TSHZ2: variants seen among roughly 807,000 people sequenced by gnomAD.
The protein encoded by TSHZ2 is teashirt zinc finger homeobox 2.
In TSHZ2, 21 loss-of-function variants were observed where a neutral mutation model predicts 74.4. That is an observed-to-expected ratio of 0.28 (90% CI 0.20 to 0.41). The LOEUF (loss-of-function observed/expected upper bound fraction) is 0.41, where lower values mean the gene tolerates loss of function less well. Among genes scored for constraint, TSHZ2 ranks in the 10% least tolerant of loss-of-function variants. TSHZ2 has a pLI of 1.00. For synonymous variants in TSHZ2, 540 were observed against 515.3 expected (o/e 1.05, Z -0.65); for missense variants, 1,244 against 1,293.5 (o/e 0.96, Z 0.59).
chr20:53,187,777 A>C (rs1353871787), intron 1 of TSHZ2, among the ~76,000 whole-genome samples: 1 of 152,140 alleles, frequency 6.6e-6, no homozygotes, highest in East Asian at 1.9e-4. Context: ...AATTTTATTC[A>C]GATGGAGCAT....
chr20:53,097,243 TC>T (rs1239485109), intron 1 of TSHZ2, among the ~76,000 whole-genome samples: 1 of 152,214 alleles, frequency 6.6e-6, no homozygotes, highest in East Asian at 1.9e-4. Context: ...AGAATGACCA[TC>T]TGGCACAGTA....
At chr20:53,447,958 G>A (rs556807498) in intron 2 of TSHZ2, among the ~76,000 whole-genome samples, 56 of 150,250 alleles carry the variant, frequency 3.7e-4, no homozygotes, top group African/African-American at 1.3e-3. Flanking sequence ...CTGTTGCCCA[G>A]GCTGGAGTGC....
intron 2 of TSHZ2, among the ~76,000 whole-genome samples, chr20:53,264,734 AT>A (rs963284612): frequency 5.9e-5 from 9 of 151,934 alleles, no homozygotes; most frequent in African/African-American, 9.7e-5. Flanking sequence ...ATATGTGTTG[AT>A]TTTTTTTTAT....
chr20:52,998,224 A>G (rs1311071989), intron 1 of TSHZ2, among the ~76,000 whole-genome samples: 1 of 152,058 alleles, frequency 6.6e-6, no homozygotes, highest in Non-Finnish European at 1.5e-5. Flanking sequence ...GCTGGCATGC[A>G]ATGGCGTGAT....
intron 2 of TSHZ2, among the ~76,000 whole-genome samples, chr20:53,476,159 T>C (rs1985986233): frequency 6.8e-6 from 1 of 146,946 alleles, no homozygotes; most frequent in African/African-American, 2.6e-5. Flanking sequence ...ACTCTTTTTA[T>C]GAGGCCAGCA....
intron 1 of TSHZ2, among the ~76,000 whole-genome samples, chr20:53,068,502 A>G (rs1317670911): frequency 4.6e-5 from 7 of 152,224 alleles, no homozygotes; most frequent in African/African-American, 1.7e-4. Context: ...CTTTTCTGGC[A>G]GAATCTGCCT....
At chr20:53,276,288 G>C (rs1455316667) in intron 2 of TSHZ2, among the ~76,000 whole-genome samples, 1 of 150,118 alleles carries the variant, frequency 6.7e-6, no homozygotes. Context: ...AAACTTCCTT[G>C]GAAGTTGAGA....
In TSHZ2 at chr20:53,093,936, G is replaced by C. The variant is rs537697894; in HGVS notation, c.40+120603G>C. On this transcript the variant is annotated intron_variant, in intron 1 of 2. Transcript: ENST00000371497. Reference sequence around the variant, plus strand: ...ACTTCATGATTTTTACCTTATCTAGGTACCACTTTTGTTACAAATATTTAC... The same window carrying C: ...ACTTCATGATTTTTACCTTATCTAGCTACCACTTTTGTTACAAATATTTAC... 2.6e-5 allele frequency among the ~76,000 whole-genome samples: 4 copies of C among 151,046 alleles called. No individual in the cohort carries two copies. The South Asian group carries it at 8.4e-4, about 32-fold the overall frequency.
At chr20:53,011,159 T>G (rs1191364812) in intron 1 of TSHZ2, among the ~76,000 whole-genome samples, 1 of 152,200 alleles carries the variant, frequency 6.6e-6, no homozygotes, top group Non-Finnish European at 1.5e-5. Context: ...CTGTGAAAAG[T>G]CCTCAGATGA....
intron 1 of TSHZ2, among the ~76,000 whole-genome samples, chr20:53,247,032 G>C (rs960960537): frequency 6.6e-6 from 1 of 152,298 alleles, no homozygotes; most frequent in South Asian, 2.1e-4. Flanking sequence ...CATGGGCTCA[G>C]GATGGCCCCC....
At chr20:53,199,454 A>G (rs1988947720) in intron 1 of TSHZ2, among the ~76,000 whole-genome samples, 3 of 152,220 alleles carry the variant, frequency 2.0e-5, no homozygotes, top group African/African-American at 7.2e-5. Context: ...AGCCTGGGAG[A>G]CAGGGTGAGA....
chr20:53,080,996 G>A lies in TSHZ2; in HGVS notation c.40+107663G>A, dbSNP rs533614086. Among the ~76,000 whole-genome samples the A allele has an allele frequency of 2.6e-5, 4 of 152,150 alleles. No homozygotes were observed. The South Asian group carries it at 8.3e-4, about 32-fold the overall frequency. On this transcript the variant is annotated intron_variant, in intron 1 of 2. Coordinates refer to ENST00000371497, the MANE Select transcript of TSHZ2 (RefSeq NM_173485.6). ...CTTCTTTAATCTTCATAATGCTGTC[G>A]GTTCTGCTATAATACTGCTTTTAAA...
At chr20:53,172,924 C>T (rs188981428) in intron 1 of TSHZ2, among the ~76,000 whole-genome samples, 1 of 152,314 alleles carries the variant, frequency 6.6e-6, no homozygotes, top group East Asian at 1.9e-4. Flanking sequence ...AAGACAAGCT[C>T]TGTGGGTTTG....
chr20:53,420,607 T>A (rs994570166), intron 2 of TSHZ2, among the ~76,000 whole-genome samples: 5 of 152,026 alleles, frequency 3.3e-5, no homozygotes, highest in Middle Eastern at 3.4e-3. Context: ...GCGCCTGTAG[T>A]CCCAGCTACT....
chr20:53,051,996 T>G (rs202087104), intron 1 of TSHZ2, among the ~76,000 whole-genome samples: 1 of 14,194 alleles, frequency 7.0e-5, no homozygotes, highest in East Asian at 0.1. Context: ...ACACATAACA[T>G]TGCAATTTAT....
chr20:53,356,618 A>T (rs981685487), intron 2 of TSHZ2, among the ~76,000 whole-genome samples: 1 of 152,204 alleles, frequency 6.6e-6, no homozygotes, highest in Admixed American at 6.5e-5. Context: ...TCATAGATAA[A>T]AGCTGGCCAG....
chr20:53,294,780 C>T (rs1168527876), intron 2 of TSHZ2, among the ~76,000 whole-genome samples: 1 of 151,816 alleles, frequency 6.6e-6, no homozygotes, highest in Admixed American at 6.6e-5. Flanking sequence ...TCCTCTAATC[C>T]TTTTTGTGAG....
intron 1 of TSHZ2, among the ~76,000 whole-genome samples, chr20:53,021,921 T>C (rs1983260475): frequency 6.6e-6 from 1 of 152,236 alleles, no homozygotes; most frequent in African/African-American, 2.4e-5. Context: ...TCTTGGGACC[T>C]GAGTATGTTT....
chr20:53,232,701 G>A (rs1224226166), intron 1 of TSHZ2, among the ~76,000 whole-genome samples: 3 of 152,138 alleles, frequency 2.0e-5, no homozygotes, highest in Non-Finnish European at 4.4e-5. Context: ...CTGCACTCCA[G>A]CCTGGGCAAC....
Sources: gnomAD v4.1 joint callset for allele counts (sites outside exome capture counted in the v4.1 genomes callset) on GRCh38, gnomAD v4.1.1 for gene constraint, MANE v1.5 for transcripts, NCBI Gene and HGNC (gene_info 2026-07-23, HGNC 2026-07-21) for gene names.